The following PRKCA variants were observed in gnomAD, a reference collection of about 807,000 sequenced individuals.
The protein encoded by PRKCA is protein kinase C alpha, also known as protein kinase C alpha type.
In PRKCA, 27 loss-of-function variants were observed where a neutral mutation model predicts 87.0. That is an observed-to-expected ratio of 0.31 (90% CI 0.23 to 0.43). The LOEUF is 0.43. PRKCA is among the 20% of genes least tolerant of loss of function. PRKCA has a pLI of 1.00. For missense variants in PRKCA, 518 were observed against 852.3 expected, an observed-to-expected ratio of 0.61 and a Z score of 4.88; for synonymous variants, 329 against 311.1, an observed-to-expected ratio of 1.06 and a Z score of -0.61.
chr17:66,405,218 A>G (rs1464849344), intron 2 of PRKCA, among the ~76,000 whole-genome samples: 1 of 152,232 alleles, frequency 6.6e-6, no homozygotes, highest in African/African-American at 2.4e-5. Flanking sequence ...CACGTGAGGC[A>G]GGTGTGGGAA....
Position 66,803,744 on chromosome 17 carries a change from C to A in PRKCA, c.1855-129C>A. 7.7e-7 allele frequency: 1 copy of A among 1,303,376 alleles called. No homozygotes were observed. The highest frequency in any genetic ancestry group is 1.0e-6 in the Non-Finnish European group (1 of 963,334). 80.7% of individuals were successfully genotyped at this position (1,303,376 alleles called of 1,614,324 possible). ...CAATCCAATAGGCCTGCAAGTCCTCCGAGATTCCTCCTCCTAACCAGCCCG... is the reference window on the plus strand; with the variant it reads ...CAATCCAATAGGCCTGCAAGTCCTCAGAGATTCCTCCTCCTAACCAGCCCG... On this transcript the variant is annotated intron_variant, in intron 16 of 16. Transcript: ENST00000413366. The surrounding 1 kb of genome is among the most constrained non-coding windows in gnomAD (Gnocchi z 4.4).
intron 2 of PRKCA, among the ~76,000 whole-genome samples, chr17:66,463,146 T>C (rs9900297): frequency 0.04 from 6,065 of 152,202 alleles, 367 homozygotes; most frequent in African/African-American, 0.13. Context: ...TCTGTTATCT[T>C]CTGTCACCGG....
chr17:66,803,729 G>A lies in PRKCA; in HGVS notation c.1855-144G>A. ...CTGTGCCTGGCTTTTCAATCCAATA[G>A]GCCTGCAAGTCCTCCGAGATTCCTC... On this transcript the variant is annotated intron_variant, in intron 16 of 16. Transcript: ENST00000413366. This position sits in a 1 kb window ranked among gnomAD's most constrained non-coding sequence, Gnocchi z 4.4. 1.8e-6 allele frequency: 2 copies of A among 1,099,368 alleles called. No individual in the cohort carries two copies. The highest frequency in any genetic ancestry group is 2.5e-6 in the Non-Finnish European group (2 of 785,966). The allele number at this position is 1,099,368 out of a possible 1,614,324, so 68.1% of individuals were successfully genotyped here.
At chr17:66,401,771 C>G (rs561031658) in intron 2 of PRKCA, among the ~76,000 whole-genome samples, 1 of 152,108 alleles carries the variant, frequency 6.6e-6, no homozygotes, top group African/African-American at 2.4e-5. Context: ...TGAAGATAAC[C>G]CACAGATTTC....
rs931055675 is a variant in PRKCA, at chr17:66,368,298, A to ATG, written c.205+62187_205+62188dup. Among the ~76,000 whole-genome samples, 300 of 141,328 alleles carry ATG rather than the reference A, an allele frequency of 2.1e-3. 2 individuals carry two copies. Among genetic ancestry groups the ATG allele is most frequent in the East Asian group, 8.5e-3 (41 of 4,820 alleles). 92.7% of individuals were successfully genotyped at this position (141,328 alleles called of 152,430 possible). On this transcript the variant is annotated intron_variant, in intron 2 of 16. Coordinates refer to ENST00000413366, the MANE Select transcript of PRKCA (RefSeq NM_002737.3). ...TTAGCCTATATATATACACACATAT[A>ATG]TGTGTGTGTGTGTGTGTTTATCTAT...
intron 13 of PRKCA, among the ~76,000 whole-genome samples, chr17:66,754,338 C>A (rs970649497): frequency 1.1e-4 from 17 of 151,906 alleles, no homozygotes; most frequent in African/African-American, 3.9e-4. Context: ...TGTCTTTGTC[C>A]CATTCACAGC....
chr17:66,371,076 G>A (rs1168382872), intron 2 of PRKCA, among the ~76,000 whole-genome samples: 1 of 152,184 alleles, frequency 6.6e-6, no homozygotes, highest in African/African-American at 2.4e-5. Flanking sequence ...ATTATAGCAT[G>A]CGAGTAGCAA....
At chr17:66,345,052 C>T (rs1907274693) in intron 2 of PRKCA, among the ~76,000 whole-genome samples, 1 of 152,130 alleles carries the variant, frequency 6.6e-6, no homozygotes, top group African/African-American at 2.4e-5. Flanking sequence ...TCAAGGATTA[C>T]CCTTTTTATT....
chr17:66,343,980 GA>G (rs199690763), intron 2 of PRKCA, among the ~76,000 whole-genome samples: 30 of 149,272 alleles, frequency 2.0e-4, no homozygotes, highest in Middle Eastern at 3.5e-3. Context: ...TAACTTAGAG[GA>G]AAAAAAAAAT....
At chr17:66,349,700 G>A (rs188659747) in intron 2 of PRKCA, among the ~76,000 whole-genome samples, 1 of 152,078 alleles carries the variant, frequency 6.6e-6, no homozygotes, top group Non-Finnish European at 1.5e-5. Context: ...TGCTGACTGC[G>A]CACAAACACA....
chr17:66,482,238 TA>T (rs1319912740), intron 2 of PRKCA, among the ~76,000 whole-genome samples: 1 of 152,106 alleles, frequency 6.6e-6, no homozygotes, highest in Non-Finnish European at 1.5e-5. Flanking sequence ...GCTTGTTTAA[TA>T]AACAAATATG....
chr17:66,376,887 C>T (rs935758286), intron 2 of PRKCA, among the ~76,000 whole-genome samples: 2 of 152,144 alleles, frequency 1.3e-5, no homozygotes, highest in Non-Finnish European at 2.9e-5. Context: ...AAGTCAAGGC[C>T]TCCTCTCTGC....
intron 8 of PRKCA, among the ~76,000 whole-genome samples, chr17:66,694,885 A>T (rs1436951734): frequency 1.3e-5 from 2 of 151,000 alleles, no homozygotes; most frequent in Non-Finnish European, 2.9e-5. Flanking sequence ...TAGTAAGCTT[A>T]GTATTTTTGT....
chr17:66,654,673 G>T (rs1442088736), intron 5 of PRKCA, among the ~76,000 whole-genome samples: 2 of 152,196 alleles, frequency 1.3e-5, no homozygotes, highest in African/African-American at 4.8e-5. Flanking sequence ...TAATTGTGGA[G>T]GCTACTCTGG....
At chr17:66,315,804 C>T (rs996003383) in intron 2 of PRKCA, among the ~76,000 whole-genome samples, 3 of 152,158 alleles carry the variant, frequency 2.0e-5, no homozygotes, top group African/African-American at 7.2e-5. Context: ...AATTCAGTAG[C>T]ACTTAATGTG....
intron 3 of PRKCA, among the ~76,000 whole-genome samples, chr17:66,515,797 G>A (rs776635359): frequency 6.6e-6 from 1 of 152,104 alleles, no homozygotes; most frequent in Non-Finnish European, 1.5e-5. Context: ...CGCCCACCTC[G>A]GCTTTGCAGA....
At chr17:66,733,025 C>G (rs1973941372) in intron 9 of PRKCA, among the ~76,000 whole-genome samples, 200 bp downstream of exon 9, 3 of 152,030 alleles carry the variant, frequency 2.0e-5, no homozygotes, top group Admixed American at 2.0e-4. Flanking sequence ...GTGGTGGGCG[C>G]CTGTAGTCCC....
At chr17:66,775,038 C>T in intron 14 of PRKCA, 1 of 985,436 alleles carries the variant, frequency 1.0e-6, no homozygotes, top group Non-Finnish European at 1.2e-6. Context: ...GGCCTGGCCC[C>T]TAAGACATCC....
intron 2 of PRKCA, among the ~76,000 whole-genome samples, chr17:66,488,475 A>G (rs1239003336): frequency 1.3e-5 from 2 of 152,110 alleles, no homozygotes; most frequent in African/African-American, 4.8e-5. Flanking sequence ...TGCTAACACC[A>G]TTTACTCAGT....
Sources: allele counts gnomAD v4.1 joint callset (sites outside exome capture counted in the v4.1 genomes callset), GRCh38; gene constraint gnomAD v4.1.1; non-coding constraint Gnocchi (gnomAD v3.1); transcripts MANE v1.5; gene names NCBI Gene and HGNC (gene_info 2026-07-23, HGNC 2026-07-21).